Variants in MBTPS1 observed in about 807,000 individuals in gnomAD.
MBTPS1 encodes the protein membrane-bound transcription factor site-1 protease.
MBTPS1 carries 94 observed loss-of-function variants against 127.8 expected under a neutral mutation model. The observed-to-expected ratio is 0.74, with a 90% confidence interval of 0.62 to 0.87. The LOEUF is 0.87. Ranked by LOEUF, MBTPS1 falls within the 40% of genes least tolerant of loss-of-function variation. The pLI, the probability that MBTPS1 is intolerant of heterozygous loss-of-function variation, is 0.00. For synonymous variants in MBTPS1, 632 were observed against 509.4 expected (o/e 1.24, Z -3.24); for missense variants, 1,636 against 1,353.2 (o/e 1.21, Z -3.28).
chr16:84,062,908 T>C (rs546072169), intron 19 of MBTPS1, among the ~76,000 whole-genome samples: 12 of 152,084 alleles, frequency 7.9e-5, no homozygotes, highest in African/African-American at 2.7e-4. Flanking sequence ...AAAGAGTGAG[T>C]CAGACCAGAG....
At chr16:84,093,586 C>A (rs1474873040) in intron 5 of MBTPS1, 125 bp downstream of exon 5, 14 of 754,750 alleles carry the variant, frequency 1.9e-5, no homozygotes, top group Non-Finnish European at 2.5e-5. Context: ...CAGTTTCTGC[C>A]ACAACAAAAA....
At chr16:84,090,781 A>T in intron 8 of MBTPS1, 94 bp downstream of exon 8, 1 of 888,716 alleles carries the variant, frequency 1.1e-6, no homozygotes, top group South Asian at 1.4e-5. Flanking sequence ...AGACATAAAC[A>T]AGTAACCATA....
In MBTPS1 at chr16:84,074,669, A is replaced by T; in HGVS notation, c.1521T>A (p.Tyr507Ter). 1 of 1,614,118 alleles carries T rather than the reference A, an allele frequency of 6.2e-7. No individual in the cohort carries two copies. The highest frequency in any genetic ancestry group is 8.5e-7 in the Non-Finnish European group (1 of 1,179,968). The change falls in exon 12 of 23, where the codon TAT becomes TAA. Residue 507 changes from tyrosine (Y) to a stop codon, truncating the protein, a stop_gained. Transcript: ENST00000343411. LOFTEE classifies it high-confidence loss of function. ...MWPYCSQPIY[Y>*]GGMPTVVNVT... ...CATTAACAACTGTCGGCATTCCTCC[A>T]TAGTAGATGGGCTGGGAGCAGTAGG...
intron 11 of MBTPS1, among the ~76,000 whole-genome samples, chr16:84,081,219 T>C (rs2085935277): frequency 6.6e-6 from 1 of 152,230 alleles, no homozygotes; most frequent in East Asian, 1.9e-4. Context: ...TTGTGAAACT[T>C]TGCTGTAAAT....
At chr16:84,093,897 C>G in intron 4 of MBTPS1, 76 bp from the exon 5 acceptor site, 1 of 1,033,910 alleles carries the variant, frequency 9.7e-7, no homozygotes, top group Non-Finnish European at 1.5e-6. Flanking sequence ...AAAATACATT[C>G]CTTCCTGGGA....
chr16:84,060,865 A>G (rs749607241), intron 19 of MBTPS1, 52 bp from the exon 20 acceptor site: 2 of 1,522,166 alleles, frequency 1.3e-6, no homozygotes, highest in Non-Finnish European at 1.8e-6. Flanking sequence ...TTCCAGACAG[A>G]GTCACGCTCT....
intron 20 of MBTPS1, 186 bp from the exon 21 acceptor site, chr16:84,059,614 T>A: frequency 2.0e-6 from 1 of 503,534 alleles, no homozygotes; most frequent in Non-Finnish European, 3.6e-6. Flanking sequence ...CCGGACAATG[T>A]GTGTTTCCAT....
chr16:84,108,814 T>G (rs527747277), intron 1 of MBTPS1, among the ~76,000 whole-genome samples: 21 of 152,320 alleles, frequency 1.4e-4, no homozygotes, highest in African/African-American at 4.6e-4. Context: ...TAAAACTGTT[T>G]GATCAAATAA....
At chr16:84,061,815 C>A (rs1265726795) in intron 19 of MBTPS1, among the ~76,000 whole-genome samples, 2 of 152,208 alleles carry the variant, frequency 1.3e-5, no homozygotes, top group East Asian at 3.9e-4. Flanking sequence ...CTGTTTCCAT[C>A]TTGTTTCTCC....
intron 11 of MBTPS1, among the ~76,000 whole-genome samples, chr16:84,080,665 G>A (rs1163901492): frequency 6.6e-6 from 1 of 152,240 alleles, no homozygotes; most frequent in Admixed American, 6.5e-5. Context: ...CATTCTGGGG[G>A]GACACAGGAC....
At chr16:84,070,076 G>A in intron 13 of MBTPS1, 38 bp from the exon 14 acceptor site, 2 of 1,519,792 alleles carry the variant, frequency 1.3e-6, no homozygotes, top group Non-Finnish European at 1.8e-6. Flanking sequence ...CGCCCTCATT[G>A]TGCAGAAAGA....
At chr16:84,066,384 C>A in intron 17 of MBTPS1, 105 bp downstream of exon 17, 2 of 1,231,650 alleles carry the variant, frequency 1.6e-6, no homozygotes, top group Non-Finnish European at 2.2e-6. Context: ...CAGACTCCAG[C>A]TAACTGAGGG....
intron 8 of MBTPS1, among the ~76,000 whole-genome samples, chr16:84,088,829 C>T (rs3785019): frequency 3.3e-5 from 5 of 152,140 alleles, no homozygotes; most frequent in Admixed American, 6.5e-5. Context: ...AAACCACACC[C>T]ACCACAAGCT....
At chr16:84,099,013 A>T (rs1422761177) in intron 3 of MBTPS1, 40 bp downstream of exon 3, 2 of 1,462,734 alleles carry the variant, frequency 1.4e-6, no homozygotes, top group Non-Finnish European at 1.8e-6. Context: ...TTTTCAAAGT[A>T]AACAGCAGAG....
chr16:84,100,841 T>C (rs1264256239), intron 2 of MBTPS1, among the ~76,000 whole-genome samples: 1 of 151,896 alleles, frequency 6.6e-6, no homozygotes, highest in Non-Finnish European at 1.5e-5. Context: ...TCATGTGCTG[T>C]GCACTCAACC....
intron 8 of MBTPS1, among the ~76,000 whole-genome samples, chr16:84,090,301 C>T (rs3785021): frequency 0.23 from 35,320 of 152,132 alleles, 4,775 homozygotes; most frequent in East Asian, 0.39. Context: ...TCGCATCTCA[C>T]GCTGCTTAAG....
intron 9 of MBTPS1, among the ~76,000 whole-genome samples, chr16:84,085,690 A>C (rs554419695): frequency 1.3e-5 from 2 of 152,070 alleles, no homozygotes; most frequent in East Asian, 3.9e-4. Context: ...AACCAGAACA[A>C]TGGCAAAGGC....
intron 11 of MBTPS1, among the ~76,000 whole-genome samples, chr16:84,081,092 C>A (rs1338412394): frequency 6.6e-6 from 1 of 152,188 alleles, no homozygotes; most frequent in Non-Finnish European, 1.5e-5. Context: ...GCCTGCAGGT[C>A]AGTCAGCAGT....
At chr16:84,068,249 C>G in intron 15 of MBTPS1, 90 bp downstream of exon 15, 2 of 896,144 alleles carry the variant, frequency 2.2e-6, no homozygotes, top group South Asian at 2.8e-5. Flanking sequence ...TGGTAGCTAT[C>G]ACTGAAAACT....
Sources: gnomAD v4.1 joint callset for allele counts (sites outside exome capture counted in the v4.1 genomes callset) on GRCh38, gnomAD v4.1.1 for gene constraint, MANE v1.5 for transcripts, NCBI Gene and HGNC (gene_info 2026-07-23, HGNC 2026-07-21) for gene names.